Variants in CDH8 observed in about 807,000 individuals in gnomAD.
CDH8 encodes cadherin-8.
CDH8 carries 17 observed loss-of-function variants against 68.1 expected under a neutral mutation model. The ratio of observed to expected loss-of-function variants is 0.25; its 90% CI spans 0.17 to 0.37. The LOEUF is 0.37. Ranked by LOEUF, CDH8 falls within the 10% of genes least tolerant of loss-of-function variation. CDH8 has a pLI of 1.00. For synonymous variants in CDH8, 372 were observed against 365.1 expected (o/e 1.02, Z -0.21); for missense variants, 763 against 999.3 (o/e 0.76, Z 3.19).
chr16:61,845,635 T>C (rs1962792047), intron 4 of CDH8, among the ~76,000 whole-genome samples: 1 of 152,036 alleles, frequency 6.6e-6, no homozygotes, highest in African/African-American at 2.4e-5. Flanking sequence ...CATGGTGATA[T>C]AAAACTGCCT....
intron 2 of CDH8, among the ~76,000 whole-genome samples, chr16:61,962,489 A>G (rs1178936654): frequency 6.6e-6 from 1 of 152,144 alleles, no homozygotes; most frequent in Non-Finnish European, 1.5e-5. Flanking sequence ...GTACCATCAC[A>G]TGATCTGCAT....
intron 8 of CDH8, among the ~76,000 whole-genome samples, chr16:61,782,720 C>G (rs1701777971): frequency 6.6e-6 from 1 of 152,168 alleles, no homozygotes; most frequent in South Asian, 2.1e-4. Context: ...CAGTGGGTCT[C>G]CCAGCATGCA....
At chr16:61,750,428 C>G (rs1036179688) in intron 8 of CDH8, among the ~76,000 whole-genome samples, 3 of 152,094 alleles carry the variant, frequency 2.0e-5, no homozygotes, top group Non-Finnish European at 2.9e-5. Context: ...TTCATTCTGA[C>G]TAATGTTTTA....
At chr16:61,890,668 T>C (rs529753763) in intron 3 of CDH8, among the ~76,000 whole-genome samples, 2 of 152,282 alleles carry the variant, frequency 1.3e-5, no homozygotes, top group Non-Finnish European at 2.9e-5. Context: ...AAATATACTT[T>C]ATGTAATATT....
intron 8 of CDH8, among the ~76,000 whole-genome samples, chr16:61,751,757 G>A (rs576756322): frequency 2.4e-4 from 37 of 152,084 alleles, no homozygotes; most frequent in African/African-American, 8.2e-4. Flanking sequence ...AAACTGAATG[G>A]TAATTATATT....
chr16:61,733,092 T>C (rs1478191817), intron 8 of CDH8, among the ~76,000 whole-genome samples: 1 of 151,876 alleles, frequency 6.6e-6, no homozygotes, highest in Admixed American at 6.6e-5. Context: ...GTTTATAATG[T>C]ATATGTATAA....
intron 10 of CDH8, among the ~76,000 whole-genome samples, chr16:61,712,574 A>G (rs1218861759): frequency 6.6e-6 from 1 of 151,686 alleles, no homozygotes; most frequent in Non-Finnish European, 1.5e-5. Flanking sequence ...AAATATTCAT[A>G]TGATTTCCAT....
chr16:61,681,726 G>A (rs1368856816), intron 10 of CDH8, among the ~76,000 whole-genome samples: 1 of 151,854 alleles, frequency 6.6e-6, no homozygotes, highest in Non-Finnish European at 1.5e-5. Context: ...AGAGGATATT[G>A]TCACAGTTGA....
intron 3 of CDH8, among the ~76,000 whole-genome samples, chr16:61,884,548 A>G (rs2143152428): frequency 6.6e-6 from 1 of 151,740 alleles, no homozygotes; most frequent in Admixed American, 6.6e-5. Flanking sequence ...TAATTTTTGT[A>G]TTTTTAGTAG....
intron 2 of CDH8, among the ~76,000 whole-genome samples, chr16:61,922,275 C>G (rs1011298619): frequency 6.6e-6 from 1 of 152,144 alleles, no homozygotes. Context: ...ACAGCATGCA[C>G]TCCTAAATAT....
In CDH8 at chr16:61,829,249, GCCACCTT is replaced by G. The variant is rs1962405934; in HGVS notation, c.668-4077_668-4071del. On this transcript the variant is annotated intron_variant, in intron 4 of 11. Coordinates refer to ENST00000577390, the MANE Select transcript of CDH8 (RefSeq NM_001796.5). Reference sequence around the variant, plus strand: ...AAATTCTATCTAGTGTCCAATAACTGCCACCTTCCTTTGTTCCTTAAGGTCTAGGAGT... The same window carrying G: ...AAATTCTATCTAGTGTCCAATAACTGCCTTTGTTCCTTAAGGTCTAGGAGT... 4.6e-5 allele frequency among the ~76,000 whole-genome samples: 7 copies of G among 151,868 alleles called. No individual in the cohort carries two copies. The South Asian group carries it at 1.5e-3, about 32-fold the overall frequency.
chr16:61,674,803 T>G (rs896742797), intron 10 of CDH8, among the ~76,000 whole-genome samples: 2 of 151,958 alleles, frequency 1.3e-5, no homozygotes, highest in Non-Finnish European at 2.9e-5. Flanking sequence ...GGATGTTATA[T>G]AAATAATAAA....
chr16:61,943,176 T>C (rs576781565), intron 2 of CDH8, among the ~76,000 whole-genome samples: 1 of 152,348 alleles, frequency 6.6e-6, no homozygotes, highest in Non-Finnish European at 1.5e-5. Flanking sequence ...CTGTTTCATC[T>C]TCTGTATTTC....
intron 3 of CDH8, among the ~76,000 whole-genome samples, chr16:61,874,514 G>A (rs1471612507): frequency 6.6e-6 from 1 of 151,896 alleles, no homozygotes; most frequent in African/African-American, 2.4e-5. Flanking sequence ...TGTATTTTCA[G>A]TAGAGACAGG....
intron 4 of CDH8, among the ~76,000 whole-genome samples, chr16:61,836,835 T>C (rs1962579526): frequency 6.6e-6 from 1 of 152,004 alleles, no homozygotes; most frequent in Non-Finnish European, 1.5e-5. Flanking sequence ...CATTGAGATA[T>C]ACAAAAGTGA....
At position 61,768,350 on chromosome 16, in the gene CDH8, C is replaced by G. The variant is rs1469720454; in HGVS notation, c.1414+20996G>C. On this transcript the variant is annotated intron_variant, in intron 8 of 11. Transcript: ENST00000577390. ...TCTCTCTCTCTCTCTCTCTCTCTCT[C>G]TCTCTCTCTCTCTCTCTCCCTTTCT... Among the ~76,000 whole-genome samples, 393 of 112,232 alleles carry G rather than the reference C, an allele frequency of 3.5e-3. 2 individuals carry two copies. Among genetic ancestry groups the G allele is most frequent in the African/African-American group, 0.013 (356 of 27,544 alleles). The allele number at this position is 112,232 out of a possible 152,430, so 73.6% of individuals were successfully genotyped here. A position where few individuals can be genotyped will look rare whatever the true frequency, so the allele number is the denominator to read the frequency against.
intron 8 of CDH8, among the ~76,000 whole-genome samples, chr16:61,733,263 C>T (rs1476725337): frequency 6.6e-6 from 1 of 151,634 alleles, no homozygotes; most frequent in African/African-American, 2.4e-5. Context: ...TAAAAACTTA[C>T]AAATATTTGT....
At chr16:62,029,910 T>C (rs901562797) in intron 1 of CDH8, among the ~76,000 whole-genome samples, 2 of 152,240 alleles carry the variant, frequency 1.3e-5, no homozygotes, top group Non-Finnish European at 2.9e-5. Flanking sequence ...ATTTCTCTTC[T>C]CACTTAAGAA....
At chr16:61,830,801 G>A (rs1369189954) in intron 4 of CDH8, among the ~76,000 whole-genome samples, 1 of 151,758 alleles carries the variant, frequency 6.6e-6, no homozygotes, top group African/African-American at 2.4e-5. Context: ...GTGAATATTT[G>A]ATAAATAACC....
Sources: gnomAD v4.1 joint callset for allele counts (sites outside exome capture counted in the v4.1 genomes callset) on GRCh38, gnomAD v4.1.1 for gene constraint, MANE v1.5 for transcripts, NCBI Gene and HGNC (gene_info 2026-07-23, HGNC 2026-07-21) for gene names.